SPIDR: variants seen among roughly 807,000 people sequenced by gnomAD.
SPIDR encodes DNA repair-scaffolding protein.
A neutral mutation model predicts 104.6 loss-of-function variants in SPIDR; 93 were observed. That is an observed-to-expected ratio of 0.89 (90% confidence interval 0.75 to 1.06). The LOEUF (loss-of-function observed/expected upper bound fraction) is 1.06. Ranked by LOEUF, SPIDR falls within the 50% of genes least tolerant of loss-of-function variation. SPIDR has a pLI of 0.00. For synonymous variants in SPIDR, 431 were observed against 416.9 expected, an observed-to-expected ratio of 1.03 and a Z score of -0.41; for missense variants, 1,154 against 1,111.2, an observed-to-expected ratio of 1.04 and a Z score of -0.55.
intron 7 of SPIDR, among the ~76,000 whole-genome samples, chr8:47,421,886 T>C (rs2154334919): frequency 6.6e-6 from 1 of 152,350 alleles, no homozygotes; most frequent in Admixed American, 6.5e-5. Context: ...CTCCAGACCC[T>C]GATTGCCTGG....
At chr8:47,522,971 T>G (rs541928585) in intron 8 of SPIDR, among the ~76,000 whole-genome samples, 141 of 151,848 alleles carry the variant, frequency 9.3e-4, no homozygotes, top group African/African-American at 3.3e-3. Flanking sequence ...TGGTTTGCTT[T>G]CTTTCTTTCT....
At chr8:47,570,675 A>G (rs1293096501) in intron 8 of SPIDR, among the ~76,000 whole-genome samples, 5 of 152,266 alleles carry the variant, frequency 3.3e-5, no homozygotes, top group East Asian at 3.8e-4. Flanking sequence ...AGAGAGTTAC[A>G]TAGAGAATAT....
intron 11 of SPIDR, among the ~76,000 whole-genome samples, chr8:47,687,724 T>G (rs1563545861): frequency 6.6e-6 from 1 of 152,196 alleles, no homozygotes; most frequent in Admixed American, 6.5e-5. Context: ...CTGAGAGTGT[T>G]TCCATGTTTT....
intron 8 of SPIDR, among the ~76,000 whole-genome samples, chr8:47,515,050 C>A (rs966854222): frequency 6.6e-6 from 1 of 152,108 alleles, no homozygotes; most frequent in Non-Finnish European, 1.5e-5. Flanking sequence ...ATATGTCCTC[C>A]TTTTGAACAG....
chr8:47,549,646 T>C (rs1352331818), intron 8 of SPIDR, among the ~76,000 whole-genome samples: 2 of 152,230 alleles, frequency 1.3e-5, no homozygotes, highest in African/African-American at 2.4e-5. Context: ...TTTGAGTTCT[T>C]TGTAGATTCT....
intron 16 of SPIDR, among the ~76,000 whole-genome samples, chr8:47,723,311 CTG>C (rs2083687710): frequency 6.6e-6 from 1 of 151,938 alleles, no homozygotes; most frequent in South Asian, 2.1e-4. Flanking sequence ...GTATTTATAA[CTG>C]TTTTCTATTC....
intron 8 of SPIDR, among the ~76,000 whole-genome samples, chr8:47,475,432 A>C (rs1180918049): frequency 6.6e-6 from 1 of 152,228 alleles, no homozygotes; most frequent in Non-Finnish European, 1.5e-5. Context: ...GATACTGAGG[A>C]ATAGTTGTGT....
chr8:47,673,862 A>T lies in SPIDR; in HGVS notation c.1606A>T (p.Met536Leu). The change falls in exon 11 of 20, where the codon ATG (methionine) becomes TTG (leucine). Residue 536 changes from methionine (M) to leucine (L), a missense_variant. Coordinates refer to ENST00000297423, the MANE Select transcript of SPIDR (RefSeq NM_001080394.4). ...MFGEVHLEFT[M>L]SKARQLEGKS... The stretch of plus-strand genomic sequence containing the variant: ...CGGTGAAGTGCACTTGGAGTTCACC[A>T]TGTCGAAGGCAAGACAGTTGGAAGG... 1 of 1,614,206 alleles carries T rather than the reference A, an allele frequency of 6.2e-7. No homozygotes were observed. Among genetic ancestry groups the T allele is most frequent in the Non-Finnish European group, 8.5e-7 (1 of 1,180,040 alleles).
intron 10 of SPIDR, 50 bp from the exon 11 acceptor site, chr8:47,673,751 T>C: frequency 6.2e-7 from 1 of 1,613,208 alleles, no homozygotes; most frequent in Non-Finnish European, 8.5e-7. Flanking sequence ...TTGATCTCTG[T>C]ATTAATCCAA....
intron 16 of SPIDR, among the ~76,000 whole-genome samples, chr8:47,725,949 A>G (rs1246350890): frequency 6.6e-6 from 1 of 152,258 alleles, no homozygotes; most frequent in African/African-American, 2.4e-5. Context: ...TTTACCAAAC[A>G]TCAGTAAACC....
chr8:47,591,417 T>A (rs1309106864), intron 8 of SPIDR, among the ~76,000 whole-genome samples: 1 of 149,546 alleles, frequency 6.7e-6, no homozygotes, highest in Non-Finnish European at 1.5e-5. Context: ...TTATATCCCC[T>A]TTCCCTCCCT....
chr8:47,708,153 G>T (rs1360714275), intron 14 of SPIDR, among the ~76,000 whole-genome samples: 1 of 152,152 alleles, frequency 6.6e-6, no homozygotes, highest in Admixed American at 6.5e-5. Flanking sequence ...ACAAAAATTA[G>T]CCGGGCATGA....
chr8:47,586,741 A>G (rs936237700), intron 8 of SPIDR, among the ~76,000 whole-genome samples: 17 of 152,066 alleles, frequency 1.1e-4, no homozygotes, highest in African/African-American at 2.9e-4. Context: ...CAGTTTTGAT[A>G]AGTTCTAGTT....
At chr8:47,345,401 CCTCCAG>C (rs2051733628) in intron 5 of SPIDR, among the ~76,000 whole-genome samples, 2 of 152,170 alleles carry the variant, frequency 1.3e-5, no homozygotes, top group Non-Finnish European at 2.9e-5. Context: ...TAGTGTGATG[CCTCCAG>C]CTTTGTTCTT....
chr8:47,691,309 AAG>A (rs1218127439), intron 11 of SPIDR, among the ~76,000 whole-genome samples: 2 of 150,894 alleles, frequency 1.3e-5, no homozygotes, highest in African/African-American at 4.9e-5. Flanking sequence ...AAAAAAAAAA[AAG>A]AGAGAAAAGA....
chr8:47,437,309 G>A (rs556997655), intron 7 of SPIDR, among the ~76,000 whole-genome samples: 4 of 140,560 alleles, frequency 2.8e-5, no homozygotes, highest in East Asian at 4.2e-4. Context: ...TGATCTCATC[G>A]TTCAATTCCC....
At chr8:47,364,173 C>A (rs1188079410) in intron 5 of SPIDR, among the ~76,000 whole-genome samples, 1 of 152,310 alleles carries the variant, frequency 6.6e-6, no homozygotes, top group African/African-American at 2.4e-5. Flanking sequence ...TTGCCTAGAA[C>A]AGTAACTGGT....
At chr8:47,503,965 C>T in intron 8 of SPIDR, among the ~76,000 whole-genome samples, 1 of 152,198 alleles carries the variant, frequency 6.6e-6, no homozygotes. Flanking sequence ...TATTGGCCCC[C>T]ACTCTCTTCT....
intron 4 of SPIDR, 26 bp downstream of exon 4, chr8:47,291,163 C>T (rs1257203168): frequency 4.9e-5 from 73 of 1,493,946 alleles, no homozygotes; most frequent in Non-Finnish European, 6.6e-5. Flanking sequence ...CTAGAATAGA[C>T]AGATTTTGTA....
Sources: allele counts gnomAD v4.1 joint callset (sites outside exome capture counted in the v4.1 genomes callset), GRCh38; gene constraint gnomAD v4.1.1; transcripts MANE v1.5; gene names NCBI Gene and HGNC (gene_info 2026-07-23, HGNC 2026-07-21).